The following ANKS1B variants were observed in gnomAD, a reference collection of about 807,000 sequenced individuals.
ANKS1B encodes the protein ankyrin repeat and sterile alpha motif domain containing 1B.
Under a neutral mutation model 148.3 loss-of-function variants are expected in ANKS1B, and 36 were observed. That is an observed-to-expected ratio of 0.24 (90% CI 0.19 to 0.32). The LOEUF (loss-of-function observed/expected upper bound fraction) is 0.32. ANKS1B is among the 10% of genes least tolerant of loss of function. ANKS1B has a pLI of 1.00. For synonymous variants in ANKS1B, 542 were observed against 560.8 expected (o/e 0.97, Z 0.47); for missense variants, 1,157 against 1,542.6 (o/e 0.75, Z 4.19).
chr12:99,606,050 C>A (rs1020275384), intron 9 of ANKS1B, among the ~76,000 whole-genome samples: 1 of 152,008 alleles, frequency 6.6e-6, no homozygotes, highest in African/African-American at 2.4e-5. Flanking sequence ...TGTGATATTT[C>A]ATCGTGGTTT....
At position 98,767,105 on chromosome 12, in the gene ANKS1B, C is replaced by A. The variant is rs951247297; in HGVS notation, c.3579+5937G>T. 2.0e-5 allele frequency among the ~76,000 whole-genome samples: 3 copies of A among 151,872 alleles called. No homozygotes were observed. In the East Asian group the frequency reaches 5.8e-4, roughly 29 times the overall value. ...AAGTGCTGGGGATTACAGGCATGAG[C>A]TACTGTGCCCAGCCAGGAATTTAAA... On this transcript the variant is annotated intron_variant, in intron 25 of 26. Transcript: ENST00000683438.
intron 4 of ANKS1B, among the ~76,000 whole-genome samples, chr12:99,789,848 C>A (rs932515556): frequency 6.6e-6 from 1 of 152,050 alleles, no homozygotes; most frequent in Non-Finnish European, 1.5e-5. Context: ...AGCAATGAAA[C>A]CTGCTTTCAA....
chr12:98,832,059 TG>T lies in ANKS1B; in HGVS notation c.2855del (p.Pro952HisfsTer37). On this transcript the variant is annotated frameshift_variant, in exon 18 of 27. Transcript: ENST00000683438. LOFTEE classifies it high-confidence loss of function. The part of the protein sequence containing the change: ...SLGDRLHDDP[P>X]QKPPRSITLR... The stretch of plus-strand genomic sequence containing the variant: ...GGGTGATGGACCGAGGGGGCTTCTG[TG>T]GGGGATCGTCGTGCAGCCTGTCTCC... The T allele has an allele frequency of 1.3e-6, 2 of 1,597,760 alleles. No homozygotes were observed. The highest frequency in any genetic ancestry group is 1.7e-6 in the Non-Finnish European group (2 of 1,171,938).
chr12:99,766,206 A>G (rs780825243), intron 8 of ANKS1B, among the ~76,000 whole-genome samples: 25 of 152,160 alleles, frequency 1.6e-4, no homozygotes, highest in Non-Finnish European at 2.9e-4. Flanking sequence ...AGAGACCACT[A>G]CATTCAAGGC....
intron 17 of ANKS1B, among the ~76,000 whole-genome samples, chr12:98,917,048 C>T (rs1053593568): frequency 6.6e-6 from 1 of 151,766 alleles, no homozygotes; most frequent in East Asian, 1.9e-4. Context: ...GCAGCCTCCA[C>T]CTCCCGGGCT....
intron 12 of ANKS1B, among the ~76,000 whole-genome samples, chr12:99,313,035 T>A (rs894353276): frequency 6.6e-6 from 1 of 151,584 alleles, no homozygotes; most frequent in Non-Finnish European, 1.5e-5. Context: ...ACTAGACTAA[T>A]AAGGAAGAAA....
intron 12 of ANKS1B, among the ~76,000 whole-genome samples, chr12:99,366,171 A>G (rs1388714349): frequency 6.6e-6 from 1 of 152,186 alleles, no homozygotes; most frequent in East Asian, 1.9e-4. Context: ...CTTGTGCAAG[A>G]CTGGAAGGTG....
chr12:99,054,907 G>A (rs1211165811), intron 16 of ANKS1B, among the ~76,000 whole-genome samples: 1 of 152,130 alleles, frequency 6.6e-6, no homozygotes, highest in Non-Finnish European at 1.5e-5. Context: ...GTCTGAACTT[G>A]GTCAGACTTT....
At chr12:98,890,464 CT>C (rs1444161136) in intron 17 of ANKS1B, among the ~76,000 whole-genome samples, 1 of 152,156 alleles carries the variant, frequency 6.6e-6, no homozygotes, top group Non-Finnish European at 1.5e-5. Flanking sequence ...GTCTGCAAGT[CT>C]TTTCTGGAGA....
intron 12 of ANKS1B, among the ~76,000 whole-genome samples, chr12:99,398,831 T>C (rs1349413970): frequency 5.3e-5 from 8 of 152,166 alleles, no homozygotes; most frequent in Admixed American, 5.2e-4. Flanking sequence ...ACTTTCCCCT[T>C]TTTTGTAAAA....
At chr12:98,967,647 AAGAGG>A (rs2099879484) in intron 17 of ANKS1B, among the ~76,000 whole-genome samples, 1 of 95,002 alleles carries the variant, frequency 1.1e-5, no homozygotes, top group Non-Finnish European at 1.9e-5. Flanking sequence ...GAGGGGAGGG[AAGAGG>A]AGGGGAGAGG....
chr12:99,107,937 CTT>C (rs2059566461), intron 15 of ANKS1B, among the ~76,000 whole-genome samples: 1 of 152,168 alleles, frequency 6.6e-6, no homozygotes, highest in Non-Finnish European at 1.5e-5. Context: ...CGACATTACA[CTT>C]ATCTCAATCT....
chr12:98,837,127 C>T (rs561391549), intron 17 of ANKS1B, among the ~76,000 whole-genome samples: 3 of 151,226 alleles, frequency 2.0e-5, no homozygotes, highest in Admixed American at 6.6e-5. Context: ...GTCAGGAGAT[C>T]GAGACCATCC....
intron 9 of ANKS1B, among the ~76,000 whole-genome samples, chr12:99,580,308 C>T (rs1434161191): frequency 6.6e-6 from 1 of 151,858 alleles, no homozygotes; most frequent in Non-Finnish European, 1.5e-5. Flanking sequence ...CACAATTTAC[C>T]CATGTAACAA....
chr12:99,218,060 A>C (rs556827843), intron 14 of ANKS1B, among the ~76,000 whole-genome samples: 120 of 152,304 alleles, frequency 7.9e-4, no homozygotes, highest in Non-Finnish European at 1.3e-3. Context: ...CCATGGGTAC[A>C]CAGATTCCAA....
chr12:99,269,219 G>A (rs2076769719), intron 12 of ANKS1B, among the ~76,000 whole-genome samples: 1 of 152,162 alleles, frequency 6.6e-6, no homozygotes, highest in Non-Finnish European at 1.5e-5. Context: ...TTTTGACTAT[G>A]CAGTTTTCGT....
intron 8 of ANKS1B, among the ~76,000 whole-genome samples, chr12:99,770,918 G>C (rs533115279): frequency 6.6e-6 from 1 of 152,220 alleles, no homozygotes; most frequent in Admixed American, 6.5e-5. Flanking sequence ...ACGAAGAGTG[G>C]TGTTAGAAAA....
At chr12:99,844,299 C>T (rs1366834372) in intron 1 of ANKS1B, among the ~76,000 whole-genome samples, 2 of 152,132 alleles carry the variant, frequency 1.3e-5, no homozygotes, top group Non-Finnish European at 2.9e-5. Flanking sequence ...GAATTTTCAT[C>T]ATGAAGTCTT....
intron 4 of ANKS1B, among the ~76,000 whole-genome samples, chr12:99,788,780 G>C (rs1326521996): frequency 6.6e-6 from 1 of 152,122 alleles, no homozygotes; most frequent in Non-Finnish European, 1.5e-5. Flanking sequence ...ACCATAAGCT[G>C]ACAAAAGAGC....
Sources: gnomAD v4.1 joint callset for allele counts (sites outside exome capture counted in the v4.1 genomes callset) on GRCh38, gnomAD v4.1.1 for gene constraint, MANE v1.5 for transcripts, NCBI Gene and HGNC (gene_info 2026-07-23, HGNC 2026-07-21) for gene names.